The following CCDC93 variants were observed in gnomAD, a reference collection of about 807,000 sequenced individuals.
CCDC93 encodes the protein coiled-coil domain-containing protein 93.
A neutral mutation model predicts 108.2 loss-of-function variants in CCDC93; 61 were observed. The ratio of observed to expected loss-of-function variants is 0.56; its 90% CI spans 0.46 to 0.70. CCDC93 has a LOEUF of 0.70. CCDC93 is among the 30% of genes least tolerant of loss of function. The probability of loss-of-function intolerance (pLI) is 0.00; values close to 1 mark genes in which losing one functional copy is unlikely to be tolerated. For synonymous variants in CCDC93, 276 were observed against 260.4 expected (o/e 1.06, Z -0.58); for missense variants, 685 against 764.2 (o/e 0.90, Z 1.22).
In CCDC93 at chr2:117,975,307, G is replaced by A. The variant is rs775983666; in HGVS notation, c.658-27C>T. 2.0e-6 allele frequency: 3 copies of A among 1,520,968 alleles called. No individual in the cohort carries two copies. The South Asian group carries it at 3.4e-5, about 17-fold the overall frequency. 94.2% of individuals were successfully genotyped at this position (1,520,968 alleles called of 1,614,324 possible). On this transcript the variant is annotated intron_variant, in intron 8 of 23. Coordinates refer to ENST00000376300, the MANE Select transcript of CCDC93 (RefSeq NM_019044.5). ...TGCAAGGGAAGATGTGAAAACAGCT[G>A]AGCACGGGAGATGGAGACTCAGTAG...
At chr2:117,939,638 CTG>C (rs1662334749) in intron 19 of CCDC93, among the ~76,000 whole-genome samples, 1 of 152,162 alleles carries the variant, frequency 6.6e-6, no homozygotes, top group Admixed American at 6.5e-5. Flanking sequence ...CTGCTGAAAA[CTG>C]TCACTGCTGA....
chr2:117,947,109 G>A (rs1573478394), intron 15 of CCDC93, among the ~76,000 whole-genome samples: 1 of 152,284 alleles, frequency 6.6e-6, no homozygotes, highest in East Asian at 1.9e-4. Flanking sequence ...TTTCTGAAGG[G>A]CTGGTGAGGT....
intron 2 of CCDC93, among the ~76,000 whole-genome samples, chr2:118,007,644 G>A (rs1263331957): frequency 1.3e-5 from 2 of 152,210 alleles, no homozygotes; most frequent in African/African-American, 4.8e-5. Flanking sequence ...ACTCCAGCCT[G>A]GGCAGCAGAG....
intron 18 of CCDC93, 45 bp downstream of exon 18, chr2:117,943,979 C>G: frequency 1.5e-6 from 2 of 1,319,632 alleles, no homozygotes; most frequent in South Asian, 1.3e-5. Flanking sequence ...ACATTTATAC[C>G]TAGTTAGAAG....
intron 12 of CCDC93, among the ~76,000 whole-genome samples, chr2:117,954,403 G>C (rs1017685833): frequency 6.6e-6 from 1 of 152,062 alleles, no homozygotes; most frequent in African/African-American, 2.4e-5. Context: ...AAGAAGAAAA[G>C]GCTCATCTCT....
In CCDC93 at chr2:117,977,984, T is replaced by A; in HGVS notation, c.657+10A>T. Reference sequence around the variant, plus strand: ...CAAGTATTCTCTCTTACTATCAATGTTTTTCTTACCTTCTCCATTTTGCTC... The same window carrying A: ...CAAGTATTCTCTCTTACTATCAATGATTTTCTTACCTTCTCCATTTTGCTC... On this transcript the variant is annotated intron_variant, in intron 8 of 23. Transcript: ENST00000376300. The A allele has an allele frequency of 1.2e-6, 2 of 1,613,098 alleles. No homozygotes were observed. The highest frequency in any genetic ancestry group is 1.7e-6 in the Non-Finnish European group (2 of 1,179,076).
chr2:117,966,677 C>T (rs1175460399), intron 11 of CCDC93, among the ~76,000 whole-genome samples: 2 of 152,222 alleles, frequency 1.3e-5, no homozygotes, highest in African/African-American at 2.4e-5. Flanking sequence ...CTAGAAGAGA[C>T]ACTTTCCTTT....
At chr2:117,927,642 T>A (rs1000072122) in intron 23 of CCDC93, among the ~76,000 whole-genome samples, 1 of 152,172 alleles carries the variant, frequency 6.6e-6, no homozygotes, top group Non-Finnish European at 1.5e-5. Flanking sequence ...ATTCCATTCT[T>A]ATGGGTAGGA....
intron 23 of CCDC93, among the ~76,000 whole-genome samples, chr2:117,921,176 CAAAAAAA>C (rs34197714): frequency 1.3e-5 from 1 of 76,020 alleles, no homozygotes; most frequent in South Asian, 4.7e-4. Context: ...GGCTCTGTCT[CAAAAAAA>C]AAAAAAAAAA....
Position 117,960,638 on chromosome 2 carries a change from C to T in CCDC93, c.889-2157G>A, listed in dbSNP as rs1436149634. Among the ~76,000 whole-genome samples the T allele has an allele frequency of 2.0e-5, 3 of 152,222 alleles. No homozygotes were observed. In the East Asian group the frequency reaches 5.8e-4, roughly 29 times the overall value. On this transcript the variant is annotated intron_variant, in intron 11 of 23. Coordinates refer to ENST00000376300, the MANE Select transcript of CCDC93 (RefSeq NM_019044.5). ...ACTTCACTTACAAGAATTCTTCTTGCAGGAAAACCAGCAGCCATCTTGATA... is the reference window on the plus strand; with the variant it reads ...ACTTCACTTACAAGAATTCTTCTTGTAGGAAAACCAGCAGCCATCTTGATA...
chr2:117,925,686 C>A (rs534862270), intron 23 of CCDC93, among the ~76,000 whole-genome samples: 30 of 152,242 alleles, frequency 2.0e-4, no homozygotes, highest in African/African-American at 6.3e-4. Flanking sequence ...GACTTTAACA[C>A]CCCACTGTCA....
At chr2:117,936,482 G>A (rs138111877) in intron 21 of CCDC93, 11 of 475,848 alleles carry the variant, frequency 2.3e-5, no homozygotes, top group East Asian at 2.1e-4. Context: ...AACTTTTTTC[G>A]TCAGCTCTTC....
chr2:117,990,240 T>C (rs1680436881), intron 6 of CCDC93, among the ~76,000 whole-genome samples: 1 of 152,180 alleles, frequency 6.6e-6, no homozygotes, highest in Non-Finnish European at 1.5e-5. Flanking sequence ...CTGATTATGA[T>C]TATGATGTGA....
chr2:118,005,176 A>G (rs973486871), intron 3 of CCDC93, among the ~76,000 whole-genome samples: 10 of 152,204 alleles, frequency 6.6e-5, no homozygotes, highest in South Asian at 2.1e-4. Flanking sequence ...CTGTGTTCCC[A>G]TATCTATTAA....
At chr2:117,949,032 T>C (rs1031076490) in intron 14 of CCDC93, among the ~76,000 whole-genome samples, 1 of 152,164 alleles carries the variant, frequency 6.6e-6, no homozygotes, top group Non-Finnish European at 1.5e-5. Flanking sequence ...CATATGCCCT[T>C]TTCTGTACTA....
intron 7 of CCDC93, among the ~76,000 whole-genome samples, chr2:117,978,659 C>T (rs891652040): frequency 6.6e-6 from 1 of 152,170 alleles, no homozygotes; most frequent in African/African-American, 2.4e-5. Flanking sequence ...CAGCCTCATA[C>T]ACCTTTAAGT....
At chr2:117,944,646 C>T (rs920065203) in intron 17 of CCDC93, 13 of 453,642 alleles carry the variant, frequency 2.9e-5, no homozygotes, top group Admixed American at 1.2e-4. Flanking sequence ...GATGGTTTGT[C>T]GCCTCAGAGA....
At chr2:117,991,755 C>T (rs914446832) in intron 6 of CCDC93, among the ~76,000 whole-genome samples, 1 of 152,180 alleles carries the variant, frequency 6.6e-6, no homozygotes, top group Non-Finnish European at 1.5e-5. Flanking sequence ...CATGTCTGAC[C>T]TTATTTTATT....
chr2:117,935,609 G>C, intron 21 of CCDC93, 30 bp from the exon 22 acceptor site: 1 of 1,510,362 alleles, frequency 6.6e-7, no homozygotes, highest in African/African-American at 1.4e-5. Context: ...AGTTATGACC[G>C]GCACACAGGA....
Sources: allele counts gnomAD v4.1 joint callset (sites outside exome capture counted in the v4.1 genomes callset), GRCh38; gene constraint gnomAD v4.1.1; transcripts MANE v1.5; gene names NCBI Gene and HGNC (gene_info 2026-07-23, HGNC 2026-07-21).